The following KAT2B variants were observed in gnomAD, a reference collection of about 807,000 sequenced individuals.
KAT2B encodes the protein histone acetyltransferase KAT2B.
A neutral mutation model predicts 105.9 loss-of-function variants in KAT2B; 36 were observed. That is an observed-to-expected ratio of 0.34 (90% confidence interval 0.26 to 0.45). KAT2B has a LOEUF of 0.45. Ranked by LOEUF, KAT2B falls within the 20% of genes least tolerant of loss-of-function variation. The probability of loss-of-function intolerance (pLI) is 1.00; values close to 1 mark genes in which losing one functional copy is unlikely to be tolerated. For missense variants in KAT2B, 820 were observed against 1,021.6 expected (o/e 0.80, Z 2.69); for synonymous variants, 397 against 377.9 (o/e 1.05, Z -0.59).
intron 2 of KAT2B, among the ~76,000 whole-genome samples, chr3:20,087,975 C>G (rs1410413096): frequency 6.6e-6 from 1 of 152,036 alleles, no homozygotes; most frequent in East Asian, 1.9e-4. Flanking sequence ...GAGACAGGGT[C>G]TTGCCATCTT....
At chr3:20,051,815 T>G (rs1697920457) in intron 1 of KAT2B, among the ~76,000 whole-genome samples, 1 of 152,250 alleles carries the variant, frequency 6.6e-6, no homozygotes, top group Non-Finnish European at 1.5e-5. Flanking sequence ...CACTTATAAA[T>G]TAGTCTTTTC....
chr3:20,066,425 A>G (rs1698224011), intron 1 of KAT2B, among the ~76,000 whole-genome samples: 1 of 152,116 alleles, frequency 6.6e-6, no homozygotes, highest in Non-Finnish European at 1.5e-5. Flanking sequence ...TATTTGAGAC[A>G]GTCTCACTCT....
intron 5 of KAT2B, among the ~76,000 whole-genome samples, chr3:20,107,806 CTTTTTTT>C (rs1206858155): frequency 1.3e-4 from 15 of 113,756 alleles, no homozygotes; most frequent in Admixed American, 3.7e-4. Flanking sequence ...TTGCTTTTTC[CTTTTTTT>C]TTTTTTTTTT....
intron 2 of KAT2B, among the ~76,000 whole-genome samples, chr3:20,084,885 G>A (rs921211750): frequency 6.6e-6 from 1 of 152,154 alleles, no homozygotes; most frequent in Non-Finnish European, 1.5e-5. Context: ...TTGGGGCTTT[G>A]AAAAAGTAAG....
intron 1 of KAT2B, among the ~76,000 whole-genome samples, chr3:20,061,984 CATAT>C (rs199733016): frequency 2.8e-4 from 12 of 42,476 alleles, no homozygotes; most frequent in Non-Finnish European, 4.4e-4. Context: ...ATATATAAAA[CATAT>C]AATATATAAA....
chr3:20,047,057 C>G (rs1002244004), intron 1 of KAT2B, among the ~76,000 whole-genome samples: 1 of 151,028 alleles, frequency 6.6e-6, no homozygotes, highest in Non-Finnish European at 1.5e-5. Context: ...GAAAAAACAT[C>G]AATGGTTTTT....
Position 20,153,040 on chromosome 3 carries a change from A to AT in KAT2B, c.*521dup, listed in dbSNP as rs1238031830. On this transcript the variant is annotated 3_prime_UTR_variant, in exon 18 of 18. Coordinates refer to ENST00000263754, the MANE Select transcript of KAT2B (RefSeq NM_003884.5). ...GTCTCTTTATAGACTTTTTATATAT[A>AT]TTTTTTAAAACACTCATCTAGATGA... The AT allele has an allele frequency of 6.6e-6, 1 of 152,546 alleles. No individual in the cohort carries two copies. The highest frequency in any genetic ancestry group is 1.5e-5 in the Non-Finnish European group (1 of 68,012). 9.4% of individuals were successfully genotyped at this position (152,546 alleles called of 1,614,324 possible). A position where few individuals can be genotyped will look rare whatever the true frequency, so the allele number is the denominator to read the frequency against.
At chr3:20,120,656 TAG>T (rs746636297) in intron 8 of KAT2B, among the ~76,000 whole-genome samples, 7 of 152,108 alleles carry the variant, frequency 4.6e-5, no homozygotes, top group African/African-American at 7.2e-5. Flanking sequence ...GCAAAGAGTG[TAG>T]ATACCAGGAG....
chr3:20,105,801 A>G (rs1319830775), intron 5 of KAT2B, among the ~76,000 whole-genome samples: 10 of 71,138 alleles, frequency 1.4e-4, no homozygotes, highest in Non-Finnish European at 2.7e-4. Flanking sequence ...ACCCTGTCTG[A>G]AAAAAAAAAA....
At chr3:20,117,544 AC>A (rs975442741) in intron 7 of KAT2B, among the ~76,000 whole-genome samples, 75 of 152,338 alleles carry the variant, frequency 4.9e-4, no homozygotes, top group African/African-American at 1.8e-3. Context: ...GGAGAAAAAA[AC>A]ATAGAGCCTG....
At position 20,040,722 on chromosome 3, in the gene KAT2B, T is replaced by G; in HGVS notation, c.245T>G (p.Leu82Arg). 1 of 1,595,992 alleles carries G rather than the reference T, an allele frequency of 6.3e-7. No homozygotes were observed. Among genetic ancestry groups the G allele is most frequent in the Non-Finnish European group, 8.5e-7 (1 of 1,174,114 alleles). ...SARIAVKKAQ[L>R]RSAPRAKKLE... ...CGAATCGCCGTGAAGAAAGCGCAAC[T>G]ACGCTCCGCTCCGCGGGCCAAGAAA... is the stretch of plus-strand genomic sequence containing the variant. Residue 82 changes from leucine (L) to arginine (R), a missense_variant, in exon 1 of 18, where the codon CTA becomes CGA. Leu to Arg is a moderately radical substitution (Grantham distance 102). Around this residue, in one of 6 missense-constraint regions of KAT2B, gnomAD observed 190 missense variants for 176.7 expected, o/e 1.08. Transcript: ENST00000263754.
intron 1 of KAT2B, among the ~76,000 whole-genome samples, chr3:20,044,431 T>A (rs894591856): frequency 1.2e-4 from 18 of 150,966 alleles, no homozygotes; most frequent in African/African-American, 2.2e-4. Flanking sequence ...AAAAAATAAA[T>A]AAATAAATAA....
intron 5 of KAT2B, among the ~76,000 whole-genome samples, chr3:20,107,012 TATA>T (rs1283852644): frequency 2.4e-4 from 8 of 33,402 alleles, no homozygotes; most frequent in Admixed American, 5.7e-4. Flanking sequence ...TATATATATA[TATA>T]TTTTTTTTTT....
At chr3:20,094,943 A>G (rs1448415000) in intron 2 of KAT2B, among the ~76,000 whole-genome samples, 8 of 152,160 alleles carry the variant, frequency 5.3e-5, no homozygotes, top group Non-Finnish European at 1.2e-4. Flanking sequence ...ATGGAAACCT[A>G]AGAAGTTGAC....
chr3:20,106,766 G>T (rs67713322), intron 5 of KAT2B, among the ~76,000 whole-genome samples: 31,201 of 150,716 alleles, frequency 0.21, 3,402 homozygotes, highest in African/African-American at 0.25. Context: ...CTTTGTATCA[G>T]AAATAATGTC....
rs749538432 is a variant in KAT2B at position 20,072,399 on chromosome 3, G to A, written c.370G>A (p.Asp124Asn). The change falls in exon 2 of 18, where the codon GAC (aspartate) becomes AAC (asparagine). Residue 124 changes from aspartate (D) to asparagine (N), a missense_variant. Around this residue, in one of 6 missense-constraint regions of KAT2B, gnomAD observed 190 missense variants for 176.7 expected, o/e 1.08. Transcript: ENST00000263754. ...CCCCTCACCCACTCCCCCCAGAGCC[G>A]ACCTGCAGCAAATAATTGTCAGTCT... ...PNPSPTPPRADLQQIIVSLTE... is the reference protein window; with the variant it reads ...PNPSPTPPRANLQQIIVSLTE... 3.1e-6 allele frequency: 5 copies of A among 1,613,294 alleles called. No individual in the cohort carries two copies. The highest frequency in any genetic ancestry group is 2.2e-5 in the East Asian group (1 of 44,898).
intron 1 of KAT2B, among the ~76,000 whole-genome samples, chr3:20,044,733 A>G (rs1697777899): frequency 1.3e-5 from 2 of 152,178 alleles, no homozygotes; most frequent in Non-Finnish European, 2.9e-5. Context: ...CAGCCTTCCC[A>G]TTAGAAATTA....
chr3:20,070,055 G>A (rs1698292357), intron 1 of KAT2B, among the ~76,000 whole-genome samples: 1 of 152,114 alleles, frequency 6.6e-6, no homozygotes, highest in African/African-American at 2.4e-5. Context: ...TAAGAGTTGG[G>A]CCTTCCTGAT....
intron 5 of KAT2B, among the ~76,000 whole-genome samples, 192 bp from the exon 6 acceptor site, chr3:20,111,404 A>T (rs1383448751): frequency 6.6e-6 from 1 of 152,246 alleles, no homozygotes; most frequent in South Asian, 2.1e-4. Flanking sequence ...ACAGAATTAG[A>T]CACAAGTGGT....
Sources: gnomAD v4.1 joint callset for allele counts (sites outside exome capture counted in the v4.1 genomes callset) on GRCh38, gnomAD v4.1.1 for gene constraint, gnomAD v4.1.1 regional missense constraint, MANE v1.5 for transcripts, NCBI Gene and HGNC (gene_info 2026-07-23, HGNC 2026-07-21) for gene names.